IGFBP7: variants seen among roughly 807,000 people sequenced by gnomAD.
The protein encoded by IGFBP7 is insulin like growth factor binding protein 7, also known as insulin-like growth factor-binding protein 7.
In IGFBP7, 31 loss-of-function variants were observed where a neutral mutation model predicts 29.4. The observed-to-expected ratio is 1.05, with a 90% CI of 0.79 to 1.42. IGFBP7 has a LOEUF of 1.42. Ranked by LOEUF, IGFBP7 falls within the 40% of genes most tolerant of loss-of-function variation. IGFBP7 has a pLI of 0.00. For missense variants in IGFBP7, 393 were observed against 395.5 expected (o/e 0.99, Z 0.05); for synonymous variants, 172 against 174.9 (o/e 0.98, Z 0.13).
At chr4:57,090,586 T>C (rs992882589) in intron 1 of IGFBP7, among the ~76,000 whole-genome samples, 1 of 152,142 alleles carries the variant, frequency 6.6e-6, no homozygotes, top group Non-Finnish European at 1.5e-5. Context: ...CTTGTAATCC[T>C]AGCACTTTGG....
intron 1 of IGFBP7, among the ~76,000 whole-genome samples, chr4:57,070,106 G>A (rs990437109): frequency 2.0e-5 from 3 of 152,040 alleles, no homozygotes; most frequent in African/African-American, 7.2e-5. Context: ...AAAAAACACC[G>A]AAATGGAAGG....
chr4:57,080,096 A>G (rs1048036379), intron 1 of IGFBP7, among the ~76,000 whole-genome samples: 1 of 152,206 alleles, frequency 6.6e-6, no homozygotes, highest in African/African-American at 2.4e-5. Flanking sequence ...GCCTATTGAC[A>G]TGGCCCTTTA....
intron 1 of IGFBP7, among the ~76,000 whole-genome samples, chr4:57,055,288 C>T (rs1213569683): frequency 6.6e-6 from 1 of 152,160 alleles, no homozygotes; most frequent in Non-Finnish European, 1.5e-5. Flanking sequence ...AATGCCCATT[C>T]CTGGGCTGCA....
At chr4:57,068,285 CAA>C (rs199520507) in intron 1 of IGFBP7, among the ~76,000 whole-genome samples, 54 of 73,748 alleles carry the variant, frequency 7.3e-4, no homozygotes, top group Admixed American at 9.3e-4. Context: ...GACCCTGTCT[CAA>C]AAAAAAAAAA....
At chr4:57,105,883 G>A (rs1726016648) in intron 1 of IGFBP7, among the ~76,000 whole-genome samples, 1 of 151,720 alleles carries the variant, frequency 6.6e-6, no homozygotes, top group Non-Finnish European at 1.5e-5. Flanking sequence ...ATCCTTGAAG[G>A]CTAGGTAACA....
intron 1 of IGFBP7, among the ~76,000 whole-genome samples, chr4:57,050,799 C>T (rs927711958): frequency 2.0e-5 from 3 of 150,650 alleles, no homozygotes; most frequent in Admixed American, 1.3e-4. Context: ...TTCAAGTGAT[C>T]CTCCCTCCTC....
intron 1 of IGFBP7, among the ~76,000 whole-genome samples, chr4:57,074,069 T>C (rs1242089081): frequency 6.7e-6 from 1 of 149,182 alleles, no homozygotes; most frequent in East Asian, 2.0e-4. Flanking sequence ...CTCTCTCTCT[T>C]TTTTCTTTTG....
chr4:57,093,346 C>A (rs1375379709), intron 1 of IGFBP7, among the ~76,000 whole-genome samples: 1 of 151,876 alleles, frequency 6.6e-6, no homozygotes, highest in Non-Finnish European at 1.5e-5. Context: ...AGTAAAAATA[C>A]AAAATTAGCT....
chr4:57,109,952 G>C lies in IGFBP7; in HGVS notation c.400C>G (p.Arg134Gly), dbSNP rs1393140375. 7.7e-6 allele frequency: 12 copies of C among 1,552,778 alleles called. No homozygotes were observed. Among genetic ancestry groups the C allele is most frequent in the Admixed American group, 1.9e-5 (1 of 52,512 alleles). ...GTTYPSGCQL[R>G]AASQRAESRG... ...CTCTCGGCCCTCTGGCTGGCGGCGCGCAGCTGGCAGCCGCTCGGGTAGGTG... is the reference window on the plus strand; with the variant it reads ...CTCTCGGCCCTCTGGCTGGCGGCGCCCAGCTGGCAGCCGCTCGGGTAGGTG... The change falls in exon 1 of 5, where the codon CGC (arginine) becomes GGC (glycine). Residue 134 changes from arginine to glycine, a missense_variant. Physicochemically the swap from Arg to Gly is moderately radical, Grantham distance 125. Coordinates refer to ENST00000295666, the MANE Select transcript of IGFBP7 (RefSeq NM_001553.3).
chr4:57,060,027 G>A (rs1468652811), intron 1 of IGFBP7, among the ~76,000 whole-genome samples: 3 of 152,200 alleles, frequency 2.0e-5, no homozygotes, highest in Non-Finnish European at 2.9e-5. Context: ...TAAGTGATGT[G>A]CTGGGTCACA....
chr4:57,050,199 A>G (rs1724467963), intron 1 of IGFBP7, among the ~76,000 whole-genome samples: 1 of 151,592 alleles, frequency 6.6e-6, no homozygotes, highest in East Asian at 1.9e-4. Context: ...GGGTTATACT[A>G]TTCACATTAT....
intron 1 of IGFBP7, among the ~76,000 whole-genome samples, chr4:57,075,639 GC>G: frequency 1.3e-5 from 1 of 77,470 alleles, no homozygotes; most frequent in East Asian, 8.5e-4. Context: ...CTTCAGTGAA[GC>G]AAAAACATTA....
intron 1 of IGFBP7, among the ~76,000 whole-genome samples, chr4:57,076,564 G>A (rs965916107): frequency 1.3e-5 from 2 of 152,198 alleles, no homozygotes; most frequent in African/African-American, 2.4e-5. Flanking sequence ...GTACAGATCC[G>A]ACAGTCTTGC....
intron 1 of IGFBP7, among the ~76,000 whole-genome samples, chr4:57,049,157 A>T (rs768079728): frequency 7.9e-5 from 12 of 152,014 alleles, no homozygotes; most frequent in Non-Finnish European, 1.3e-4. Context: ...AATAGAGCTT[A>T]TAAAGGTATC....
chr4:57,106,148 C>T (rs967261661), intron 1 of IGFBP7, among the ~76,000 whole-genome samples: 6 of 152,046 alleles, frequency 3.9e-5, no homozygotes, highest in South Asian at 2.1e-4. Context: ...TCTCGTGATC[C>T]GCCCGCCTCG....
intron 1 of IGFBP7, among the ~76,000 whole-genome samples, chr4:57,066,989 G>A (rs1465545324): frequency 7.0e-6 from 1 of 142,400 alleles, no homozygotes; most frequent in Non-Finnish European, 1.5e-5. Flanking sequence ...TTTTTTTTTG[G>A]TGTGTTTTTA....
chr4:57,110,143 G>A lies in IGFBP7; in HGVS notation c.209C>T (p.Pro70Leu), dbSNP rs11555283. Residue 70 changes from proline (P) to leucine (L), a missense_variant, in exon 1 of 5, where the codon CCG becomes CTG. Coordinates refer to ENST00000295666, the MANE Select transcript of IGFBP7 (RefSeq NM_001553.3). Reference sequence around the variant, plus strand: ...CCTGCCGGCGCCGCCACCCCCGCACGGCTCGCCCTCGCCGCGGGCGCACAT... The same window carrying A: ...CCTGCCGGCGCCGCCACCCCCGCACAGCTCGCCCTCGCCGCGGGCGCACAT... ...CPMCARGEGE[P>L]CGGGGAGRGY... 25 of 1,482,938 alleles carry A rather than the reference G, an allele frequency of 1.7e-5. No homozygotes were observed. Among genetic ancestry groups the A allele is most frequent in the Non-Finnish European group, 2.0e-5 (22 of 1,124,430 alleles). 91.9% of individuals were successfully genotyped at this position (1,482,938 alleles called of 1,614,324 possible). A position where few individuals can be genotyped will look rare whatever the true frequency, so the allele number is the denominator to read the frequency against.
chr4:57,091,845 C>T (rs781590868), intron 1 of IGFBP7, among the ~76,000 whole-genome samples: 9 of 152,110 alleles, frequency 5.9e-5, no homozygotes, highest in South Asian at 2.1e-4. Flanking sequence ...TCCAAGGGCA[C>T]GTGTGGTAAA....
At chr4:57,038,167 G>T (rs1360106984) in intron 2 of IGFBP7, among the ~76,000 whole-genome samples, 1 of 152,224 alleles carries the variant, frequency 6.6e-6, no homozygotes. Context: ...GTCAGTGGCC[G>T]CATCCCTCCG....
Sources: gnomAD v4.1 joint callset for allele counts (sites outside exome capture counted in the v4.1 genomes callset) on GRCh38, gnomAD v4.1.1 for gene constraint, MANE v1.5 for transcripts, NCBI Gene and HGNC (gene_info 2026-07-23, HGNC 2026-07-21) for gene names.